Variants in PCDH15 observed in about 807,000 individuals in gnomAD.
PCDH15 encodes the protein protocadherin-15.
PCDH15 carries 129 observed loss-of-function variants against 178.5 expected under a neutral mutation model. That is an observed-to-expected ratio of 0.72 (90% CI 0.63 to 0.84). The LOEUF (loss-of-function observed/expected upper bound fraction) is 0.84. Ranked by LOEUF, PCDH15 falls within the 40% of genes least tolerant of loss-of-function variation. PCDH15 has a pLI of 0.00. For synonymous variants in PCDH15, 800 were observed against 732.0 expected (o/e 1.09, Z -1.50); for missense variants, 2,230 against 2,099.9 (o/e 1.06, Z -1.21).
At chr10:54,175,700 T>C (rs1409562553) in intron 13 of PCDH15, among the ~76,000 whole-genome samples, 1 of 152,220 alleles carries the variant, frequency 6.6e-6, no homozygotes, top group Non-Finnish European at 1.5e-5. Context: ...TGCCTCCCAA[T>C]TCTATTGTCT....
chr10:55,227,736 CA>C (rs896638319), intron 1 of PCDH15, among the ~76,000 whole-genome samples: 2 of 151,844 alleles, frequency 1.3e-5, no homozygotes, highest in African/African-American at 4.8e-5. Flanking sequence ...CAGCTATCAC[CA>C]ATATTAACAG....
intron 2 of PCDH15, among the ~76,000 whole-genome samples, chr10:55,044,462 T>C (rs1342093344): frequency 6.6e-6 from 1 of 152,066 alleles, no homozygotes; most frequent in African/African-American, 2.4e-5. Flanking sequence ...AATCAGTTAG[T>C]TCATTTTAGC....
At chr10:54,923,978 G>C (rs1706759) in intron 2 of PCDH15, among the ~76,000 whole-genome samples, 94,741 of 135,738 alleles carry the variant, frequency 0.7, 38,806 homozygotes, top group Middle Eastern at 0.84. Context: ...TTAGTACATT[G>C]TCACATAGCT....
chr10:55,272,467 C>T (rs759918366), intron 1 of PCDH15, among the ~76,000 whole-genome samples: 5 of 151,518 alleles, frequency 3.3e-5, no homozygotes, highest in East Asian at 1.9e-4. Context: ...TGCAGTGACG[C>T]GATCTCGGCT....
At chr10:54,681,257 C>T (rs186871133) in intron 1 of PCDH15, among the ~76,000 whole-genome samples, 60 of 152,190 alleles carry the variant, frequency 3.9e-4, no homozygotes, top group Admixed American at 1.5e-3. Context: ...TTTGAAATAT[C>T]TATTAAACTA....
At chr10:54,279,536 C>T (rs1285350445) in intron 8 of PCDH15, among the ~76,000 whole-genome samples, 1 of 151,544 alleles carries the variant, frequency 6.6e-6, no homozygotes, top group Non-Finnish European at 1.5e-5. Context: ...AAGAAAACTA[C>T]TTTACTTTGT....
chr10:53,806,510 T>C lies in PCDH15; in HGVS notation c.*69A>G, dbSNP rs1378962461. 1.6e-6 allele frequency: 2 copies of C among 1,282,666 alleles called. No homozygotes were observed. The highest frequency in any genetic ancestry group is 2.1e-6 in the Non-Finnish European group (2 of 938,004). The allele number at this position is 1,282,666 out of a possible 1,614,324, so 79.5% of individuals were successfully genotyped here. On this transcript the variant is annotated 3_prime_UTR_variant, in exon 38 of 38. Coordinates refer to ENST00000644397, the MANE Select transcript of PCDH15 (RefSeq NM_001384140.1). ...TAAATTCCATACATTGTTTTCTCAG[T>C]GACAATAAAAAGCACAGTTTATTAA... is the stretch of plus-strand genomic sequence containing the variant.
intron 26 of PCDH15, among the ~76,000 whole-genome samples, chr10:53,873,625 A>T (rs761478796): frequency 6.6e-5 from 10 of 152,252 alleles, no homozygotes; most frequent in Admixed American, 1.3e-4. Context: ...GTTTAAAAAT[A>T]AAACAACAAA....
intron 2 of PCDH15, among the ~76,000 whole-genome samples, chr10:55,374,440 G>A (rs1448835899): frequency 6.6e-6 from 1 of 151,982 alleles, no homozygotes; most frequent in Non-Finnish European, 1.5e-5. Context: ...TTTCCTTGAG[G>A]ACTCCATTAC....
In PCDH15 at chr10:54,392,877, C is replaced by T. The variant is rs570517649; in HGVS notation, c.158-13935G>A. Among the ~76,000 whole-genome samples, 23 of 138,214 alleles carry T rather than the reference C, an allele frequency of 1.7e-4. No homozygotes were observed. In the South Asian group the frequency reaches 1.8e-3, roughly 11 times the overall value. The allele number at this position is 138,214 out of a possible 152,430, so 90.7% of individuals were successfully genotyped here. A position where few individuals can be genotyped will look rare whatever the true frequency, so the allele number is the denominator to read the frequency against. On this transcript the variant is annotated intron_variant, in intron 3 of 37. Transcript: ENST00000644397. ...TTATGCCACTGAACTCCAGTCTGGG[C>T]GACAGAGCAAGACTCAGGCTCAAAA... is the stretch of plus-strand genomic sequence containing the variant.
chr10:54,706,968 G>A (rs2095371285), intron 1 of PCDH15, among the ~76,000 whole-genome samples: 1 of 152,136 alleles, frequency 6.6e-6, no homozygotes, highest in Admixed American at 6.5e-5. Context: ...AGGAAATCCT[G>A]TTGAGAACAT....
intron 2 of PCDH15, among the ~76,000 whole-genome samples, chr10:55,514,764 T>C (rs914744202): frequency 9.9e-5 from 15 of 152,112 alleles, no homozygotes; most frequent in Admixed American, 1.3e-4. Flanking sequence ...GACCAGTTTT[T>C]ACACAGAAAG....
intron 2 of PCDH15, among the ~76,000 whole-genome samples, chr10:55,387,544 A>G (rs1194618397): frequency 2.0e-5 from 3 of 152,146 alleles, no homozygotes; most frequent in Non-Finnish European, 2.9e-5. Flanking sequence ...ACATAATTCC[A>G]TACAGATAAA....
chr10:54,974,560 A>T (rs1839018783), intron 2 of PCDH15, among the ~76,000 whole-genome samples: 1 of 151,890 alleles, frequency 6.6e-6, no homozygotes, highest in African/African-American at 2.4e-5. Context: ...TATTCAGGCA[A>T]TGCATAAAAA....
intron 35 of PCDH15, among the ~76,000 whole-genome samples, chr10:53,814,685 C>A (rs2075997160): frequency 6.6e-6 from 1 of 151,968 alleles, no homozygotes; most frequent in African/African-American, 2.4e-5. Context: ...GAGGAAAGAG[C>A]CCGGGTGCGG....
intron 2 of PCDH15, among the ~76,000 whole-genome samples, chr10:55,414,490 T>G (rs1157476880): frequency 6.6e-6 from 1 of 151,688 alleles, no homozygotes; most frequent in Admixed American, 6.6e-5. Context: ...ATAGACATTA[T>G]AGTAGTATTA....
chr10:55,570,373 C>T (rs1189843112), intron 2 of PCDH15, among the ~76,000 whole-genome samples: 1 of 151,864 alleles, frequency 6.6e-6, no homozygotes, highest in Non-Finnish European at 1.5e-5. Context: ...TAATACAACA[C>T]TGGATGATTG....
Position 55,520,097 on chromosome 10 carries a change from T to C in PCDH15, c.-156+107528A>G, listed in dbSNP as rs181610903. ...TATATATATAAGGCATATATATGTA[T>C]ATATATACACGCAATGTGTATATAT... On this transcript the variant is annotated intron_variant, in intron 2 of 5. Coordinates refer to the PCDH15 transcript ENST00000613346. 8.0e-4 allele frequency among the ~76,000 whole-genome samples: 109 copies of C among 136,414 alleles called. 1 individual carries two copies. Among genetic ancestry groups the C allele is most frequent in the African/African-American group, 2.7e-3 (103 of 37,506 alleles). The allele number at this position is 136,414 out of a possible 152,430, so 89.5% of individuals were successfully genotyped here. A position where few individuals can be genotyped will look rare whatever the true frequency, so the allele number is the denominator to read the frequency against.
intron 21 of PCDH15, chr10:53,994,716 C>T (rs901955622): frequency 1.3e-5 from 2 of 152,082 alleles, no homozygotes; most frequent in East Asian, 1.9e-4. Flanking sequence ...AAGCCCACCA[C>T]TTTCATATTA....
Sources: allele counts gnomAD v4.1 joint callset (sites outside exome capture counted in the v4.1 genomes callset), GRCh38; gene constraint gnomAD v4.1.1; transcripts MANE v1.5; gene names NCBI Gene and HGNC (gene_info 2026-07-23, HGNC 2026-07-21).